The following VPS13D variants were observed in gnomAD, a reference collection of about 807,000 sequenced individuals.
The protein encoded by VPS13D is vacuolar protein sorting 13 homolog D.
Under a neutral mutation model 461.9 loss-of-function variants are expected in VPS13D, and 187 were observed. The ratio of observed to expected loss-of-function variants is 0.40; its 90% CI spans 0.36 to 0.46. The LOEUF (loss-of-function observed/expected upper bound fraction) is 0.46, where lower values mean the gene tolerates loss of function less well. VPS13D is among the 20% of genes least tolerant of loss of function. The pLI, the probability that VPS13D is intolerant of heterozygous loss-of-function variation, is 0.60. For missense variants in VPS13D, 4,711 were observed against 5,364.9 expected, an observed-to-expected ratio of 0.88 and a Z score of 3.81; for synonymous variants, 1,951 against 1,986.3, an observed-to-expected ratio of 0.98 and a Z score of 0.47.
intron 58 of VPS13D, among the ~76,000 whole-genome samples, chr1:12,383,874 C>G (rs1644316074): frequency 1.3e-5 from 2 of 152,164 alleles, no homozygotes; most frequent in Admixed American, 1.3e-4. Flanking sequence ...TGGAAGTTGA[C>G]TAGTGAAGGC....
At chr1:12,261,770 A>G (rs1318411379) in intron 12 of VPS13D, 131 bp from the exon 13 acceptor site, 2 of 760,998 alleles carry the variant, frequency 2.6e-6, no homozygotes, top group East Asian at 2.6e-5. Flanking sequence ...GTCACCCATG[A>G]CTTTGGAGTT....
intron 65 of VPS13D, among the ~76,000 whole-genome samples, chr1:12,425,715 G>A (rs529747707): frequency 1.1e-4 from 16 of 151,912 alleles, no homozygotes; most frequent in Admixed American, 8.5e-4. Context: ...GAGGAAGAGA[G>A]GGAGGGAGGG....
intron 65 of VPS13D, among the ~76,000 whole-genome samples, chr1:12,423,400 TA>T (rs1191450425): frequency 6.6e-6 from 1 of 151,848 alleles, no homozygotes. Flanking sequence ...ACCAAAAAAA[TA>T]AAATAAAAAG....
At chr1:12,305,085 C>G (rs1642525513) in intron 26 of VPS13D, among the ~76,000 whole-genome samples, 1 of 151,724 alleles carries the variant, frequency 6.6e-6, no homozygotes, top group Non-Finnish European at 1.5e-5. Flanking sequence ...ACTGTCCTTG[C>G]AAACCACTAA....
chr1:12,291,540 T>G (rs1642132282), intron 23 of VPS13D, among the ~76,000 whole-genome samples: 1 of 152,210 alleles, frequency 6.6e-6, no homozygotes, highest in Non-Finnish European at 1.5e-5. Context: ...GGAGGATCCC[T>G]TAATCCCAGG....
At chr1:12,464,314 C>T (rs900300060) in intron 67 of VPS13D, among the ~76,000 whole-genome samples, 2 of 152,178 alleles carry the variant, frequency 1.3e-5, no homozygotes, top group African/African-American at 4.8e-5. Context: ...AGGAATAGAA[C>T]CCAAGAGTCC....
In VPS13D at chr1:12,258,051, C is replaced by G. The variant is rs903412851; in HGVS notation, c.1058C>G (p.Thr353Ser). The change falls in exon 10 of 70, where the codon ACT becomes AGT. Residue 353 changes from threonine (T) to serine (S), a missense_variant. This residue lies in a region of VPS13D where 4,411 missense variants were observed against 4,937.8 expected (regional missense o/e 0.89). Coordinates refer to ENST00000620676, the MANE Select transcript of VPS13D (RefSeq NM_015378.4). Reference protein sequence around the residue: ...LHRARDAVSYTDKYFNKLKGG... With the variant: ...LHRARDAVSYSDKYFNKLKGG... Reference sequence around the variant, plus strand: ...CGCGCTCGTGATGCTGTATCTTACACTGACAAATATTTCAACAAGTTAAAA... The same window carrying G: ...CGCGCTCGTGATGCTGTATCTTACAGTGACAAATATTTCAACAAGTTAAAA... The G allele has an allele frequency of 2.5e-6, 4 of 1,614,104 alleles. No individual in the cohort carries two copies. The highest frequency in any genetic ancestry group is 3.4e-6 in the Non-Finnish European group (4 of 1,180,058).
chr1:12,235,615 T>G (rs920663755), intron 2 of VPS13D, among the ~76,000 whole-genome samples: 4 of 152,118 alleles, frequency 2.6e-5, no homozygotes, highest in Admixed American at 2.6e-4. Context: ...CTTTTCATGT[T>G]TTTCTGACCA....
chr1:12,440,141 CTG>C (rs1491392072), intron 65 of VPS13D, among the ~76,000 whole-genome samples: 2 of 152,210 alleles, frequency 1.3e-5, no homozygotes, highest in South Asian at 4.1e-4. Context: ...CTGGGCTCCT[CTG>C]AGAGAGAGAG....
chr1:12,436,326 G>A (rs535896788), intron 65 of VPS13D, among the ~76,000 whole-genome samples: 91 of 152,360 alleles, frequency 6.0e-4, no homozygotes, highest in African/African-American at 2.2e-3. Flanking sequence ...AGTCCAAGGA[G>A]ATGCTTGCCA....
At chr1:12,395,791 G>A (rs989126657) in intron 60 of VPS13D, among the ~76,000 whole-genome samples, 1 of 151,664 alleles carries the variant, frequency 6.6e-6, no homozygotes, top group East Asian at 1.9e-4. Flanking sequence ...AACGGTTCAC[G>A]CCAAGGACTA....
At chr1:12,393,209 T>C (rs1315707738) in intron 60 of VPS13D, among the ~76,000 whole-genome samples, 1 of 152,270 alleles carries the variant, frequency 6.6e-6, no homozygotes, top group Non-Finnish European at 1.5e-5. Context: ...TCTTGCTCAC[T>C]GGATCCAATC....
At chr1:12,289,926 A>T (rs578130502) in intron 22 of VPS13D, among the ~76,000 whole-genome samples, 1 of 151,916 alleles carries the variant, frequency 6.6e-6, no homozygotes, top group East Asian at 1.9e-4. Context: ...ACAGAGTGAG[A>T]CCCTGTCTCA....
intron 29 of VPS13D, 131 bp downstream of exon 29, chr1:12,312,056 G>C: frequency 5.4e-6 from 3 of 558,458 alleles, no homozygotes; most frequent in South Asian, 4.1e-5. Flanking sequence ...AGTGTCTTTT[G>C]GTTGATCTAC....
In VPS13D at chr1:12,283,185, C is replaced by G; in HGVS notation, c.5083C>G (p.Pro1695Ala). The part of the protein sequence containing the change: ...YKNLMVSRGA[P>A]KPSSLAQKEY... ...GAACCTGATGGTGTCTCGAGGAGCC[C>G]CTAAGCCATCTAGTTTAGCACAAAA... Residue 1695 changes from proline (P) to alanine (A), a missense_variant, in exon 21 of 70, where the codon CCT becomes GCT. This residue lies in a region of VPS13D where 4,411 missense variants were observed against 4,937.8 expected (regional missense o/e 0.89). Transcript: ENST00000620676. 6.2e-7 allele frequency: 1 copy of G among 1,614,090 alleles called. No homozygotes were observed. The highest frequency in any genetic ancestry group is 2.2e-5 in the East Asian group (1 of 44,882).
intron 52 of VPS13D, among the ~76,000 whole-genome samples, chr1:12,363,705 A>G (rs896948448): frequency 6.6e-6 from 1 of 152,164 alleles, no homozygotes; most frequent in African/African-American, 2.4e-5. Flanking sequence ...CTGTAATCCT[A>G]GCACTTTGGG....
chr1:12,368,327 A>G, intron 52 of VPS13D, 141 bp from the exon 53 acceptor site: 1 of 953,718 alleles, frequency 1.0e-6, no homozygotes, highest in South Asian at 2.2e-5. Flanking sequence ...CAGATGATGG[A>G]GGAACACACA....
chr1:12,453,576 G>A lies in VPS13D; in HGVS notation c.12334-2422G>A, dbSNP rs151174193. Among the ~76,000 whole-genome samples the A allele has an allele frequency of 4.6e-3, 696 of 152,304 alleles. 6 individuals are homozygous for A. The highest frequency in any genetic ancestry group is 7.4e-3 in the Non-Finnish European group (501 of 68,018). On this transcript the variant is annotated intron_variant, in intron 65 of 69. Coordinates refer to ENST00000620676, the MANE Select transcript of VPS13D (RefSeq NM_015378.4). Reference sequence around the variant, plus strand: ...CGTTTTTGTCTGGAACCTGAAGAACGCTGGCAGCCTACATAATTCTAAACA... The same window carrying A: ...CGTTTTTGTCTGGAACCTGAAGAACACTGGCAGCCTACATAATTCTAAACA...
chr1:12,245,716 C>T (rs2101215586), intron 5 of VPS13D, among the ~76,000 whole-genome samples: 1 of 151,890 alleles, frequency 6.6e-6, no homozygotes, highest in East Asian at 1.9e-4. Flanking sequence ...GGCAACAGAC[C>T]AAAACCCTGT....
Sources: allele counts gnomAD v4.1 joint callset (sites outside exome capture counted in the v4.1 genomes callset), GRCh38; gene constraint gnomAD v4.1.1; regional missense constraint gnomAD v4.1.1; transcripts MANE v1.5; gene names NCBI Gene and HGNC (gene_info 2026-07-23, HGNC 2026-07-21).